The following UBE2D1 variants were observed in gnomAD, a reference collection of about 807,000 sequenced individuals.
The protein encoded by UBE2D1 is ubiquitin conjugating enzyme E2 D1.
In UBE2D1, 9 loss-of-function variants were observed where a neutral mutation model predicts 24.6. The ratio of observed to expected loss-of-function variants is 0.37; its 90% CI spans 0.22 to 0.64. The LOEUF is 0.64. UBE2D1 is among the 30% of genes least tolerant of loss of function. UBE2D1 has a pLI of 0.64. For missense variants in UBE2D1, 87 were observed against 177.1 expected (o/e 0.49, Z 2.89); for synonymous variants, 57 against 57.6 (o/e 0.99, Z 0.04).
intron 4 of UBE2D1, 70 bp from the exon 5 acceptor site, chr10:58,364,701 A>G: frequency 8.6e-7 from 1 of 1,160,710 alleles, no homozygotes. Context: ...CCTAGAGCAA[A>G]TTGGTTCTGT....
chr10:58,368,722 A>G lies in UBE2D1; in HGVS notation c.401A>G (p.Tyr134Cys). Residue 134 changes from tyrosine to cysteine, a missense_variant and splice_region_variant, in exon 7 of 7, where the codon TAC becomes TGC. Coordinates refer to ENST00000373910, the MANE Select transcript of UBE2D1 (RefSeq NM_003338.5). Reference sequence around the variant, plus strand: ...ATATCCTTTTTGTGTATCTACAGATACAACAGACATGCAAGAGAATGGACT... The same window carrying G: ...ATATCCTTTTTGTGTATCTACAGATGCAACAGACATGCAAGAGAATGGACT... ...AQIYKSDKEK[Y>C]NRHAREWTQK... The G allele has an allele frequency of 6.3e-7, 1 of 1,587,644 alleles. No homozygotes were observed.
At chr10:58,345,213 G>A (rs1214171937) in intron 1 of UBE2D1, among the ~76,000 whole-genome samples, 3 of 151,982 alleles carry the variant, frequency 2.0e-5, no homozygotes, top group Admixed American at 6.5e-5. Flanking sequence ...GCTCATGCCT[G>A]TAATCCCAGA....
chr10:58,344,915 A>G (rs771983870), intron 1 of UBE2D1, among the ~76,000 whole-genome samples: 6 of 150,288 alleles, frequency 4.0e-5, no homozygotes, highest in Non-Finnish European at 5.9e-5. Flanking sequence ...CCCAGGCTGG[A>G]CTGCAGTGGC....
intron 5 of UBE2D1, 139 bp downstream of exon 5, chr10:58,365,015 T>C: frequency 3.0e-6 from 2 of 656,384 alleles, no homozygotes; most frequent in Non-Finnish European, 5.0e-6. Context: ...CTCTCTTTGC[T>C]CTTATGTTAC....
chr10:58,342,409 A>C (rs1013192338), intron 1 of UBE2D1, among the ~76,000 whole-genome samples: 3 of 151,636 alleles, frequency 2.0e-5, no homozygotes, highest in African/African-American at 7.3e-5. Flanking sequence ...CCTTCACCTT[A>C]AGCTTCCTCA....
chr10:58,368,485 G>A, intron 6 of UBE2D1: 2 of 325,740 alleles, frequency 6.1e-6, no homozygotes, highest in Non-Finnish European at 5.6e-6. Context: ...TCTGCATTTT[G>A]ATTTTTGTGT....
At chr10:58,343,133 A>G (rs1425353323) in intron 1 of UBE2D1, among the ~76,000 whole-genome samples, 2 of 152,166 alleles carry the variant, frequency 1.3e-5, no homozygotes, top group Admixed American at 1.3e-4. Flanking sequence ...CAGGTGCTCA[A>G]CAGCACTTTT....
chr10:58,358,719 A>G (rs1253904817), intron 1 of UBE2D1, among the ~76,000 whole-genome samples: 1 of 152,100 alleles, frequency 6.6e-6, no homozygotes, highest in Non-Finnish European at 1.5e-5. Context: ...TTTACCCAGC[A>G]TAGTTAAGTC....
chr10:58,369,781 A>T lies in UBE2D1; in HGVS notation c.*1016A>T, dbSNP rs1204385705. 1 of 151,988 alleles carries T rather than the reference A, an allele frequency of 6.6e-6. No individual in the cohort carries two copies. The highest frequency in any genetic ancestry group is 1.5e-5 in the Non-Finnish European group (1 of 67,812). 9.4% of individuals were successfully genotyped at this position (151,988 alleles called of 1,614,324 possible). A position where few individuals can be genotyped will look rare whatever the true frequency, so the allele number is the denominator to read the frequency against. ...TACTAAATTGTCAGTCTATAAGATAATATATGTTGATCCCTTGCTGTAGAG... is the reference window on the plus strand; with the variant it reads ...TACTAAATTGTCAGTCTATAAGATATTATATGTTGATCCCTTGCTGTAGAG... On this transcript the variant is annotated 3_prime_UTR_variant, in exon 7 of 7. Coordinates refer to ENST00000373910, the MANE Select transcript of UBE2D1 (RefSeq NM_003338.5).
chr10:58,347,348 C>T (rs1811746329), intron 1 of UBE2D1, among the ~76,000 whole-genome samples: 1 of 152,230 alleles, frequency 6.6e-6, no homozygotes, highest in South Asian at 2.1e-4. Flanking sequence ...TTACTGTAAG[C>T]CTTCATAAAA....
At chr10:58,361,428 A>C (rs181714358) in intron 2 of UBE2D1, 27 bp downstream of exon 2, 8 of 1,614,054 alleles carry the variant, frequency 5.0e-6, no homozygotes, top group Non-Finnish European at 6.8e-6. Flanking sequence ...TTCTGGGATT[A>C]TGCTACCTTT....
rs553113525 is a variant in UBE2D1, at chr10:58,370,675, A to T, written c.*1910A>T. The T allele has an allele frequency of 1.6e-4, 24 of 150,074 alleles. No homozygotes were observed. Among genetic ancestry groups the T allele is most frequent in the African/African-American group, 5.7e-4 (23 of 40,634 alleles). The allele number at this position is 150,074 out of a possible 1,614,324, so 9.3% of individuals were successfully genotyped here. Reference sequence around the variant, plus strand: ...TCTTCACTTTAAACAAAAAAAAAAAACAACTTTCATTTGTGTGGCATTTAT... The same window carrying T: ...TCTTCACTTTAAACAAAAAAAAAAATCAACTTTCATTTGTGTGGCATTTAT... On this transcript the variant is annotated 3_prime_UTR_variant, in exon 7 of 7. Coordinates refer to ENST00000373910, the MANE Select transcript of UBE2D1 (RefSeq NM_003338.5).
At chr10:58,364,673 A>G (rs1840236678) in intron 4 of UBE2D1, 98 bp from the exon 5 acceptor site, 1 of 768,554 alleles carries the variant, frequency 1.3e-6, no homozygotes, top group Non-Finnish European at 2.1e-6. Flanking sequence ...AAGTTATGTA[A>G]AGTTGAGGAT....
rs1840289333 is a variant in UBE2D1 at position 58,369,242 on chromosome 10, T to G, written c.*477T>G. ...TTTACATGTATGTCAACTCATTACTTTTTTCCTGTGAACAGTATTGAAAAA... is the reference window on the plus strand; with the variant it reads ...TTTACATGTATGTCAACTCATTACTGTTTTCCTGTGAACAGTATTGAAAAA... On this transcript the variant is annotated 3_prime_UTR_variant, in exon 7 of 7. Coordinates refer to ENST00000373910, the MANE Select transcript of UBE2D1 (RefSeq NM_003338.5). 6.6e-6 allele frequency: 1 copy of G among 152,538 alleles called. No individual in the cohort carries two copies. Among genetic ancestry groups the G allele is most frequent in the Admixed American group, 6.6e-5 (1 of 15,252 alleles). The allele number at this position is 152,538 out of a possible 1,614,324, so 9.4% of individuals were successfully genotyped here.
At chr10:58,360,643 G>A (rs1165507100) in intron 1 of UBE2D1, among the ~76,000 whole-genome samples, 4 of 152,186 alleles carry the variant, frequency 2.6e-5, no homozygotes, top group Non-Finnish European at 5.9e-5. Context: ...TAAATGAGCT[G>A]GGTGCAGTGG....
At chr10:58,367,835 T>A in intron 5 of UBE2D1, 88 bp from the exon 6 acceptor site, 1 of 811,928 alleles carries the variant, frequency 1.2e-6, no homozygotes, top group Non-Finnish European at 2.0e-6. Context: ...AAGTACAGTA[T>A]CTATATTCAC....
Position 58,349,237 on chromosome 10 carries a change from A to G in UBE2D1, c.25-12101A>G, listed in dbSNP as rs530687044. Among the ~76,000 whole-genome samples the G allele has an allele frequency of 2.0e-5, 3 of 152,244 alleles. No individual in the cohort carries two copies. In the South Asian group the frequency reaches 6.2e-4, roughly 32 times the overall value. On this transcript the variant is annotated intron_variant, in intron 1 of 6. Coordinates refer to ENST00000373910, the MANE Select transcript of UBE2D1 (RefSeq NM_003338.5). Reference sequence around the variant, plus strand: ...CTTATATTTTTATTTTAAAATTTAGATACTTCTAGCTAGTTTTTTTATTTG... The same window carrying G: ...CTTATATTTTTATTTTAAAATTTAGGTACTTCTAGCTAGTTTTTTTATTTG...
At chr10:58,358,625 T>C (rs956453352) in intron 1 of UBE2D1, among the ~76,000 whole-genome samples, 3 of 152,092 alleles carry the variant, frequency 2.0e-5, no homozygotes. Context: ...AACTGAGCTT[T>C]GGAGAGAGAA....
At chr10:58,367,849 AATT>A in intron 5 of UBE2D1, 71 bp from the exon 6 acceptor site, 1 of 1,004,096 alleles carries the variant, frequency 1.0e-6, no homozygotes, top group South Asian at 1.5e-5. Context: ...TATTCACTAA[AATT>A]ATTTTCACAT....
Sources: allele counts gnomAD v4.1 joint callset (sites outside exome capture counted in the v4.1 genomes callset), GRCh38; gene constraint gnomAD v4.1.1; transcripts MANE v1.5; gene names NCBI Gene and HGNC (gene_info 2026-07-23, HGNC 2026-07-21).